ADARB2: variants seen among roughly 807,000 people sequenced by gnomAD.
ADARB2 encodes inactive double-stranded RNA-specific editase B2.
ADARB2 carries 25 observed loss-of-function variants against 62.2 expected under a neutral mutation model. That is an observed-to-expected ratio of 0.40 (90% CI 0.29 to 0.56). The LOEUF (loss-of-function observed/expected upper bound fraction) is 0.56, where lower values mean the gene tolerates loss of function less well. ADARB2 is among the 20% of genes least tolerant of loss of function. ADARB2 has a pLI of 0.43. For synonymous variants in ADARB2, 572 were observed against 500.8 expected, an observed-to-expected ratio of 1.14 and a Z score of -1.90; for missense variants, 1,071 against 1,077.4, an observed-to-expected ratio of 0.99 and a Z score of 0.08.
At chr10:1,211,815 G>A (rs1837156502) in intron 7 of ADARB2, among the ~76,000 whole-genome samples, 1 of 152,194 alleles carries the variant, frequency 6.6e-6, no homozygotes, top group African/African-American at 2.4e-5. Flanking sequence ...ATAATTTCAA[G>A]AGCACAAATA....
chr10:1,404,192 T>A (rs572410550), intron 1 of ADARB2, among the ~76,000 whole-genome samples: 1 of 152,182 alleles, frequency 6.6e-6, no homozygotes, highest in South Asian at 2.1e-4. Context: ...AAAACAAGCG[T>A]TTTGGCTCAG....
chr10:1,400,292 G>A (rs969300159), intron 1 of ADARB2, among the ~76,000 whole-genome samples: 2 of 152,154 alleles, frequency 1.3e-5, no homozygotes, highest in African/African-American at 2.4e-5. Context: ...GTCCGAGTCC[G>A]GGCAGCAGTT....
chr10:1,371,749 A>T (rs1049609827), intron 2 of ADARB2, among the ~76,000 whole-genome samples: 4 of 149,470 alleles, frequency 2.7e-5, no homozygotes, highest in African/African-American at 9.8e-5. Context: ...CTGAGATGTC[A>T]TCTTACCCCA....
At chr10:1,430,083 G>A (rs528957590) in intron 1 of ADARB2, among the ~76,000 whole-genome samples, 2 of 152,230 alleles carry the variant, frequency 1.3e-5, no homozygotes, top group South Asian at 2.1e-4. Context: ...GGATACTTAC[G>A]ACAATTGGAT....
intron 1 of ADARB2, among the ~76,000 whole-genome samples, chr10:1,644,625 A>G (rs1834016527): frequency 1.3e-5 from 2 of 152,254 alleles, no homozygotes; most frequent in Non-Finnish European, 1.5e-5. Context: ...CCAGGCGCCT[A>G]CGCGGAGTGG....
chr10:1,246,999 T>C (rs1406312325), intron 4 of ADARB2, among the ~76,000 whole-genome samples: 2 of 152,258 alleles, frequency 1.3e-5, no homozygotes, highest in African/African-American at 4.8e-5. Context: ...TGTATCCTCC[T>C]TTATTTCATT....
chr10:1,206,978 A>C (rs1837076757), intron 7 of ADARB2, among the ~76,000 whole-genome samples: 1 of 152,146 alleles, frequency 6.6e-6, no homozygotes, highest in Non-Finnish European at 1.5e-5. Flanking sequence ...GGGGCTGCTG[A>C]TTGTTTCATT....
At chr10:1,709,014 G>A (rs1375264206) in intron 1 of ADARB2, among the ~76,000 whole-genome samples, 5 of 152,152 alleles carry the variant, frequency 3.3e-5, no homozygotes, top group Admixed American at 3.3e-4. Context: ...ATGGAGGGAG[G>A]AGGGGAGGTC....
chr10:1,346,302 G>A (rs1832080498), intron 3 of ADARB2, among the ~76,000 whole-genome samples: 1 of 152,182 alleles, frequency 6.6e-6, no homozygotes. Context: ...AAGGAGATGG[G>A]GCTTGAGATT....
chr10:1,471,390 T>C (rs1831320199), intron 1 of ADARB2, among the ~76,000 whole-genome samples: 1 of 151,904 alleles, frequency 6.6e-6, no homozygotes, highest in African/African-American at 2.4e-5. Context: ...CAGACCTTTG[T>C]ACAATTTTTT....
intron 1 of ADARB2, among the ~76,000 whole-genome samples, chr10:1,516,477 T>TGGGCTGCTCTGTGCTATGC (rs1018856389): frequency 6.6e-6 from 1 of 151,892 alleles, no homozygotes; most frequent in Non-Finnish European, 1.5e-5. Context: ...GGGCTTTGTG[T>TGGGCTGCTCTGTGCTATGC]GGGCTGCTCT....
At chr10:1,284,020 G>A (rs1831391488) in intron 3 of ADARB2, among the ~76,000 whole-genome samples, 1 of 152,196 alleles carries the variant, frequency 6.6e-6, no homozygotes. Flanking sequence ...GAGTAGTTAT[G>A]AGAAATTAAA....
At chr10:1,609,404 G>A (rs1028744105) in intron 1 of ADARB2, among the ~76,000 whole-genome samples, 6 of 152,198 alleles carry the variant, frequency 3.9e-5, no homozygotes, top group Admixed American at 2.0e-4. Flanking sequence ...CTGGGAAGGC[G>A]GCACCCCCAC....
At chr10:1,506,482 G>A (rs1831854809) in intron 1 of ADARB2, among the ~76,000 whole-genome samples, 1 of 152,138 alleles carries the variant, frequency 6.6e-6, no homozygotes, top group South Asian at 2.1e-4. Flanking sequence ...ACTCTGCAGC[G>A]CTTTTCTGTT....
At chr10:1,196,386 AT>A (rs1836912487) in intron 8 of ADARB2, among the ~76,000 whole-genome samples, 1 of 151,668 alleles carries the variant, frequency 6.6e-6, no homozygotes, top group Non-Finnish European at 1.5e-5. Flanking sequence ...GATTAAGCAA[AT>A]GCCTGGATTA....
At chr10:1,544,281 G>A (rs1334947072) in intron 1 of ADARB2, among the ~76,000 whole-genome samples, 2 of 152,200 alleles carry the variant, frequency 1.3e-5, no homozygotes, top group Non-Finnish European at 2.9e-5. Flanking sequence ...CTGGTGAGTG[G>A]CCACAGCCCC....
intron 1 of ADARB2, among the ~76,000 whole-genome samples, chr10:1,526,298 T>A (rs1359454566): frequency 6.6e-6 from 1 of 152,042 alleles, no homozygotes; most frequent in African/African-American, 2.4e-5. Context: ...TGGAACCCCA[T>A]CCCTAGTCTT....
chr10:1,475,616 G>A (rs570993949), intron 1 of ADARB2, among the ~76,000 whole-genome samples: 1 of 152,326 alleles, frequency 6.6e-6, no homozygotes, highest in South Asian at 2.1e-4. Flanking sequence ...GTGACACCTT[G>A]TTTTTTCACC....
intron 1 of ADARB2, among the ~76,000 whole-genome samples, chr10:1,475,168 G>GC (rs962066133): frequency 1.8e-4 from 27 of 152,080 alleles, no homozygotes; most frequent in Admixed American, 8.5e-4. Context: ...GCACTCAGGA[G>GC]CCCCCCCGGG....
Sources: gnomAD v4.1 joint callset for allele counts (sites outside exome capture counted in the v4.1 genomes callset) on GRCh38, gnomAD v4.1.1 for gene constraint, MANE v1.5 for transcripts, NCBI Gene and HGNC (gene_info 2026-07-23, HGNC 2026-07-21) for gene names.